Variants in PALB2 observed in about 807,000 individuals in gnomAD.
PALB2 encodes the protein mutant partner and localizer of BRCA2.
A neutral mutation model predicts 107.4 loss-of-function variants in PALB2; 82 were observed. That is an observed-to-expected ratio of 0.76 (90% confidence interval 0.64 to 0.92). The LOEUF is 0.92. Among genes scored for constraint, PALB2 ranks in the 40% least tolerant of loss-of-function variants. The pLI, the probability that PALB2 is intolerant of heterozygous loss-of-function variation, is 0.00. For synonymous variants in PALB2, 489 were observed against 496.8 expected (o/e 0.98, Z 0.21); for missense variants, 1,374 against 1,379.9 (o/e 1.00, Z 0.07).
At chr16:23,610,180 G>A (rs1261213620) in intron 11 of PALB2, among the ~76,000 whole-genome samples, 1 of 152,154 alleles carries the variant, frequency 6.6e-6, no homozygotes, top group African/African-American at 2.4e-5. Context: ...GGCCACAATG[G>A]CAGAGTTGAG....
In PALB2 at chr16:23,635,526, A is replaced by G. The variant is rs748432666; in HGVS notation, c.1020T>C (p.Asn340=). The change falls in exon 4 of 13, where the codon AAT becomes AAC. Residue 340 remains asparagine, a synonymous_variant. Coordinates refer to ENST00000261584, the MANE Select transcript of PALB2 (RefSeq NM_024675.4). ...TTTGTTCTTTTAAGTTTTGGTTTTC[A>G]TTTGCTGGTAAGTTATTGTAGGTGA... is the stretch of plus-strand genomic sequence containing the variant. ...NELTYNNLPA[N]ENQNLKEQNQ... is the part of the protein sequence containing the mutation. 1 of 1,613,666 alleles carries G rather than the reference A, an allele frequency of 6.2e-7. No homozygotes were observed. Among genetic ancestry groups the G allele is most frequent in the African/African-American group, 1.3e-5 (1 of 74,934 alleles).
At chr16:23,632,034 C>T (rs1427059779) in intron 4 of PALB2, among the ~76,000 whole-genome samples, 1 of 152,062 alleles carries the variant, frequency 6.6e-6, no homozygotes, top group Non-Finnish European at 1.5e-5. Context: ...GTTGCTATAT[C>T]CTCAATGATG....
intron 1 of PALB2, chr16:23,638,715 A>G: frequency 2.8e-6 from 1 of 355,378 alleles, no homozygotes; most frequent in Non-Finnish European, 5.6e-6. Flanking sequence ...TGATTTTACA[A>G]GGTAAAAAAA....
At chr16:23,639,728 G>A (rs1967165510) in intron 1 of PALB2, among the ~76,000 whole-genome samples, 1 of 151,414 alleles carries the variant, frequency 6.6e-6, no homozygotes. Context: ...GCTGAGGCAG[G>A]AGAATCGCTT....
chr16:23,630,199 C>T lies in PALB2; in HGVS notation c.1955G>A (p.Ser652Asn), dbSNP rs587781818. 29 of 1,614,116 alleles carry T rather than the reference C, an allele frequency of 1.8e-5. No individual in the cohort carries two copies. In the East Asian group the frequency reaches 6.2e-4, roughly 35 times the overall value. ...ACTCAGTTCCTCTGGAAAAATACAG[C>T]TTCCCTCTTTAAGATGTCTCTCTCC... is the stretch of plus-strand genomic sequence containing the variant. Reference protein sequence around the residue: ...MFGERHLKEGSCIFPEELSPK... With the variant: ...MFGERHLKEGNCIFPEELSPK... The change falls in exon 5 of 13, where the codon AGC becomes AAC. Residue 652 changes from serine to asparagine, a missense_variant. Ser to Asn is a conservative substitution (Grantham distance 46). Transcript: ENST00000261584.
chr16:23,608,973 A>G (rs559050331), intron 11 of PALB2, among the ~76,000 whole-genome samples: 4 of 151,870 alleles, frequency 2.6e-5, no homozygotes, highest in Non-Finnish European at 5.9e-5. Flanking sequence ...GATTACAGGT[A>G]TGCGCCACCA....
intron 10 of PALB2, among the ~76,000 whole-genome samples, chr16:23,619,397 G>C (rs1966735220): frequency 6.6e-6 from 1 of 152,042 alleles, no homozygotes; most frequent in Admixed American, 6.6e-5. Context: ...ACTCAGGCTA[G>C]AGTGCAGTGG....
At chr16:23,637,753 T>C (rs762866898) in intron 3 of PALB2, 97 bp downstream of exon 3, 29 of 877,420 alleles carry the variant, frequency 3.3e-5, no homozygotes, top group Non-Finnish European at 5.6e-5. Flanking sequence ...CGTCTATTGC[T>C]AGTCATTATC....
chr16:23,604,801 T>G (rs1966436437), intron 12 of PALB2, among the ~76,000 whole-genome samples: 1 of 151,120 alleles, frequency 6.6e-6, no homozygotes, highest in South Asian at 2.1e-4. Context: ...TGGCCAGGCC[T>G]GGTGGCTCAC....
chr16:23,617,654 G>A (rs1446816072), intron 10 of PALB2: 1 of 152,122 alleles, frequency 6.6e-6, no homozygotes, highest in Non-Finnish European at 1.5e-5. Context: ...TGAGGTGGGA[G>A]GACTGCTTGA....
chr16:23,634,107 G>A (rs1966923158), intron 4 of PALB2, among the ~76,000 whole-genome samples: 1 of 152,138 alleles, frequency 6.6e-6, no homozygotes, highest in South Asian at 2.1e-4. Flanking sequence ...ACCTGAATAT[G>A]TAATATTACG....
intron 1 of PALB2, chr16:23,640,889 ATTAAT>A: frequency 1.7e-6 from 1 of 593,302 alleles, no homozygotes; most frequent in South Asian, 2.1e-5. Flanking sequence ...TACACATTGT[ATTAAT>A]GCGCTGCTAC....
At chr16:23,629,529 C>T in intron 5 of PALB2, 111 bp downstream of exon 5, 1 of 1,100,650 alleles carries the variant, frequency 9.1e-7, no homozygotes, top group Non-Finnish European at 1.4e-6. Context: ...AGAAACACGT[C>T]AAACCATTCT....
intron 4 of PALB2, among the ~76,000 whole-genome samples, chr16:23,631,300 A>G (rs1966875371): frequency 1.3e-5 from 2 of 149,072 alleles, no homozygotes; most frequent in Non-Finnish European, 3.0e-5. Context: ...AAAAAAAAAA[A>G]AAAAACTAAA....
At chr16:23,637,754 A>G in intron 3 of PALB2, 96 bp downstream of exon 3, 1 of 881,656 alleles carries the variant, frequency 1.1e-6, no homozygotes, top group Non-Finnish European at 1.9e-6. Context: ...GTCTATTGCT[A>G]GTCATTATCT....
At position 23,635,472 on chromosome 16, in the gene PALB2, G is replaced by C. The variant is rs1966995930; in HGVS notation, c.1074C>G (p.Pro358=). Reference sequence around the variant, plus strand: ...CATTCCTGCCATCAAGAGTGTCACTGGGAGATTTTAAAGATTTCTCTGTTT... The same window carrying C: ...CATTCCTGCCATCAAGAGTGTCACTCGGAGATTTTAAAGATTTCTCTGTTT... ...QNQTEKSLKS[P]SDTLDGRNEN... Residue 358 remains proline, a synonymous_variant, in exon 4 of 13, where the codon CCC becomes CCG. Coordinates refer to ENST00000261584, the MANE Select transcript of PALB2 (RefSeq NM_024675.4). The C allele has an allele frequency of 2.5e-6, 4 of 1,614,074 alleles. No individual in the cohort carries two copies. The highest frequency in any genetic ancestry group is 3.4e-6 in the Non-Finnish European group (4 of 1,179,980).
intron 1 of PALB2, chr16:23,640,183 G>C: frequency 5.7e-6 from 1 of 175,292 alleles, no homozygotes; most frequent in East Asian, 9.9e-5. Flanking sequence ...GAGCCAGGGA[G>C]ACTGGCCTCC....
At position 23,630,097 on chromosome 16, in the gene PALB2, C is replaced by T. The variant is rs267604470; in HGVS notation, c.2057G>A (p.Arg686Lys). ...IVLPGKSHPK[R>K]PNSQSQHTKT... ...TGTATGCTGGCTTTGCGAGTTTGGCCTTTTGGGATGTGATTTTCCTGGTAG... is the reference window on the plus strand; with the variant it reads ...TGTATGCTGGCTTTGCGAGTTTGGCTTTTTGGGATGTGATTTTCCTGGTAG... The change falls in exon 5 of 13, where the codon AGG becomes AAG. Residue 686 changes from arginine (R) to lysine (K), a missense_variant. By Grantham distance (26) the Arg-to-Lys change is conservative (BLOSUM62 2). Transcript: ENST00000261584. The T allele has an allele frequency of 3.7e-6, 6 of 1,613,996 alleles. No homozygotes were observed. The African/African-American group carries it at 8.0e-5, about 22-fold the overall frequency.
Position 23,634,886 on chromosome 16 carries a change from C to T in PALB2, c.1660G>A (p.Glu554Lys), listed in dbSNP as rs377486858. ...EEVTSHKYQH[E>K]KLFIQVKGKK... ...CCTTTCACTTGAATAAATAATTTTTCGTGCTGATATTTGTGTGAGGTGACT... is the reference window on the plus strand; with the variant it reads ...CCTTTCACTTGAATAAATAATTTTTTGTGCTGATATTTGTGTGAGGTGACT... Residue 554 changes from glutamate (E) to lysine (K), a missense_variant, in exon 4 of 13, where the codon GAA becomes AAA. Physicochemically the swap from Glu to Lys is moderately conservative, Grantham distance 56. Transcript: ENST00000261584. 3.1e-6 allele frequency: 5 copies of T among 1,613,754 alleles called. No individual in the cohort carries two copies. The highest frequency in any genetic ancestry group is 3.3e-5 in the Admixed American group (2 of 59,970).
Sources: gnomAD v4.1 joint callset for allele counts (sites outside exome capture counted in the v4.1 genomes callset) on GRCh38, gnomAD v4.1.1 for gene constraint, MANE v1.5 for transcripts, NCBI Gene and HGNC (gene_info 2026-07-23, HGNC 2026-07-21) for gene names.